The following CDH11 variants were observed in gnomAD, a reference collection of about 807,000 sequenced individuals.
CDH11 encodes the protein cadherin 11.
Under a neutral mutation model 67.8 loss-of-function variants are expected in CDH11, and 11 were observed. The observed-to-expected ratio is 0.16, with a 90% CI of 0.10 to 0.27. The LOEUF (loss-of-function observed/expected upper bound fraction) is 0.27, where lower values mean the gene tolerates loss of function less well. CDH11 is among the 10% of genes least tolerant of loss of function. The pLI, the probability that CDH11 is intolerant of heterozygous loss-of-function variation, is 1.00. For missense variants in CDH11, 847 were observed against 1,031.2 expected (o/e 0.82, Z 2.45); for synonymous variants, 419 against 400.0 (o/e 1.05, Z -0.57).
At chr16:65,039,402 T>C (rs1347668254) in intron 2 of CDH11, among the ~76,000 whole-genome samples, 1 of 152,086 alleles carries the variant, frequency 6.6e-6, no homozygotes, top group Non-Finnish European at 1.5e-5. Flanking sequence ...TCAGAAATAA[T>C]GCTGCATATC....
chr16:65,047,036 C>T (rs2073973377), intron 2 of CDH11, among the ~76,000 whole-genome samples: 1 of 152,168 alleles, frequency 6.6e-6, no homozygotes, highest in African/African-American at 2.4e-5. Context: ...ATCGCTTGAA[C>T]CTCGGAGACA....
chr16:64,974,480 G>C (rs1322423678), intron 8 of CDH11, among the ~76,000 whole-genome samples: 1 of 152,148 alleles, frequency 6.6e-6, no homozygotes, highest in Non-Finnish European at 1.5e-5. Flanking sequence ...TTCTGGAAGA[G>C]ACAATATTGG....
intron 3 of CDH11, among the ~76,000 whole-genome samples, chr16:65,004,208 T>A (rs1162009656): frequency 6.6e-6 from 1 of 151,798 alleles, no homozygotes; most frequent in Non-Finnish European, 1.5e-5. Context: ...TCTAAAAAAA[T>A]GAAATAAAAT....
At chr16:65,017,037 C>A (rs2073324362) in intron 2 of CDH11, among the ~76,000 whole-genome samples, 1 of 152,104 alleles carries the variant, frequency 6.6e-6, no homozygotes, top group Non-Finnish European at 1.5e-5. Flanking sequence ...AAATAATGAG[C>A]AATGAGGATG....
intron 4 of CDH11, among the ~76,000 whole-genome samples, chr16:64,993,894 T>A (rs2072697557): frequency 6.6e-6 from 1 of 152,194 alleles, no homozygotes; most frequent in African/African-American, 2.4e-5. Flanking sequence ...TCCATGTATT[T>A]TGCCAGCATT....
At chr16:64,957,600 G>A (rs910851102) in intron 11 of CDH11, among the ~76,000 whole-genome samples, 13 of 145,080 alleles carry the variant, frequency 9.0e-5, no homozygotes, top group African/African-American at 1.8e-4. Context: ...ACATGCCCGT[G>A]CACACACACA....
intron 2 of CDH11, among the ~76,000 whole-genome samples, chr16:65,015,460 C>T (rs1277251885): frequency 6.6e-6 from 1 of 150,838 alleles, no homozygotes; most frequent in Admixed American, 6.6e-5. Flanking sequence ...AAAAACAAAA[C>T]CCAGAACCTA....
chr16:65,083,275 T>C (rs1019189745), intron 1 of CDH11, among the ~76,000 whole-genome samples: 4 of 152,196 alleles, frequency 2.6e-5, no homozygotes, highest in Non-Finnish European at 5.9e-5. Flanking sequence ...TTCCAATCTA[T>C]GCAGTGGGGA....
intron 1 of CDH11, among the ~76,000 whole-genome samples, chr16:65,117,796 G>GT (rs2075266536): frequency 6.6e-6 from 1 of 152,102 alleles, no homozygotes; most frequent in Admixed American, 6.6e-5. Flanking sequence ...CTTGGAGTCA[G>GT]AAATGATGCT....
chr16:65,020,484 C>T (rs2073400518), intron 2 of CDH11, among the ~76,000 whole-genome samples: 1 of 152,060 alleles, frequency 6.6e-6, no homozygotes, highest in African/African-American at 2.4e-5. Context: ...AGCACACAAC[C>T]ACACCCAGCT....
chr16:65,071,807 G>A (rs887479164), intron 1 of CDH11, among the ~76,000 whole-genome samples: 1 of 152,162 alleles, frequency 6.6e-6, no homozygotes, highest in Non-Finnish European at 1.5e-5. Context: ...ATCGTGACCC[G>A]AGCCGAAAGT....
chr16:65,054,476 C>T (rs1187311596), intron 1 of CDH11, among the ~76,000 whole-genome samples: 1 of 152,122 alleles, frequency 6.6e-6, no homozygotes, highest in East Asian at 1.9e-4. Context: ...TGCAGCTCTT[C>T]AAGATTGCAT....
rs1038101855 is a variant in CDH11 at position 64,971,715 on chromosome 16, C to G, written c.1525-19G>C. The stretch of plus-strand genomic sequence containing the variant: ...CAATTGGCTGAAAGAGAAAGGTGGC[C>G]CATAAATAAATCATGCTGACATTGG... On this transcript the variant is annotated intron_variant, in intron 10 of 12. Coordinates refer to ENST00000268603, the MANE Select transcript of CDH11 (RefSeq NM_001797.4). 2 of 1,556,864 alleles carry G rather than the reference C, an allele frequency of 1.3e-6. No individual in the cohort carries two copies. The highest frequency in any genetic ancestry group is 2.7e-5 in the African/African-American group (2 of 73,644).
intron 1 of CDH11, among the ~76,000 whole-genome samples, chr16:65,108,309 C>T (rs1324136911): frequency 6.6e-6 from 1 of 152,162 alleles, no homozygotes; most frequent in Non-Finnish European, 1.5e-5. Flanking sequence ...GCAATGATTG[C>T]AGCAGGAATG....
chr16:64,947,528 A>G lies in CDH11; in HGVS notation c.*75T>C. On this transcript the variant is annotated 3_prime_UTR_variant, in exon 13 of 13. Coordinates refer to ENST00000268603, the MANE Select transcript of CDH11 (RefSeq NM_001797.4). ...ATGAGCCTTTCCTTGATTTAAAAAA[A>G]TACCTGTTTACACATCTTCTAGATT... 4 of 1,520,178 alleles carry G rather than the reference A, an allele frequency of 2.6e-6. No individual in the cohort carries two copies. Among genetic ancestry groups the G allele is most frequent in the Non-Finnish European group, 2.6e-6 (3 of 1,137,340 alleles). 94.2% of individuals were successfully genotyped at this position (1,520,178 alleles called of 1,614,324 possible).
intron 11 of CDH11, among the ~76,000 whole-genome samples, chr16:64,959,052 G>A (rs1005376392): frequency 3.3e-5 from 5 of 152,124 alleles, no homozygotes; most frequent in Admixed American, 2.0e-4. Context: ...GAGCCTTAAC[G>A]TACTAATGAA....
upstream of CDH11, chr16:65,122,139 G>T (rs972070855): frequency 9.7e-6 from 5 of 513,580 alleles, no homozygotes; most frequent in Non-Finnish European, 1.7e-5. Context: ...TGCGGGGCGG[G>T]GGGGGCGGGA....
intron 1 of CDH11, among the ~76,000 whole-genome samples, chr16:65,095,411 A>C (rs1259665609): frequency 6.6e-6 from 1 of 152,192 alleles, no homozygotes; most frequent in African/African-American, 2.4e-5. Context: ...AAAAATATAT[A>C]GTTTACTACA....
rs561080735 is a variant in CDH11, at chr16:65,049,922, TAACAC to T, written c.-173+3877_-173+3881del. Among the ~76,000 whole-genome samples, 12 of 152,224 alleles carry T rather than the reference TAACAC, an allele frequency of 7.9e-5. No homozygotes were observed. The East Asian group carries it at 2.3e-3, about 29-fold the overall frequency. On this transcript the variant is annotated intron_variant, in intron 2 of 12. Coordinates refer to ENST00000268603, the MANE Select transcript of CDH11 (RefSeq NM_001797.4). The stretch of plus-strand genomic sequence containing the variant: ...CACAGAGAGTTAGGAAGCAGGTTGC[TAACAC>T]TTCAAGCTGTCAGGGACAATGCAGA...
Sources: allele counts gnomAD v4.1 joint callset (sites outside exome capture counted in the v4.1 genomes callset), GRCh38; gene constraint gnomAD v4.1.1; transcripts MANE v1.5; gene names NCBI Gene and HGNC (gene_info 2026-07-23, HGNC 2026-07-21).